The following NKAIN2 variants were observed in gnomAD, a reference collection of about 807,000 sequenced individuals.
The protein encoded by NKAIN2 is sodium/potassium transporting ATPase interacting 2.
NKAIN2 carries 14 observed loss-of-function variants against 32.6 expected under a neutral mutation model. The observed-to-expected ratio is 0.43, with a 90% CI of 0.28 to 0.67. The LOEUF is 0.67. NKAIN2 is among the 30% of genes least tolerant of loss of function. The pLI is 0.17. For synonymous variants in NKAIN2, 80 were observed against 87.2 expected (o/e 0.92, Z 0.46); for missense variants, 198 against 258.3 (o/e 0.77, Z 1.60).
At chr6:124,606,977 C>G (rs1384150446) in intron 3 of NKAIN2, among the ~76,000 whole-genome samples, 1 of 152,010 alleles carries the variant, frequency 6.6e-6, no homozygotes, top group Non-Finnish European at 1.5e-5. Context: ...GGTCATTCAT[C>G]AATGTGAGTA....
At chr6:124,288,796 T>C (rs1795675155) in intron 2 of NKAIN2, among the ~76,000 whole-genome samples, 1 of 152,102 alleles carries the variant, frequency 6.6e-6, no homozygotes, top group Non-Finnish European at 1.5e-5. Context: ...TTCTATGTAA[T>C]TGAATAAAAT....
chr6:123,913,654 G>A (rs1475072579), intron 1 of NKAIN2, among the ~76,000 whole-genome samples: 1 of 152,096 alleles, frequency 6.6e-6, no homozygotes, highest in African/African-American at 2.4e-5. Context: ...GTCTCTAAGA[G>A]GTAGCTTCTT....
Position 124,347,261 on chromosome 6 carries a change from T to C in NKAIN2, c.193-8006T>C, listed in dbSNP as rs572479467. ...AACCCGACCTTTCTCTCTGGCTGCC[T>C]TTAACATTTTTTCCTTCATTTCAAC... is the stretch of plus-strand genomic sequence containing the variant. On this transcript the variant is annotated intron_variant, in intron 2 of 6. Transcript: ENST00000368417. Among the ~76,000 whole-genome samples, 1,208 of 152,006 alleles carry C rather than the reference T, an allele frequency of 7.9e-3. 8 individuals are homozygous for C. Among genetic ancestry groups the C allele is most frequent in the Non-Finnish European group, 0.012 (845 of 67,922 alleles).
Position 124,278,650 on chromosome 6 carries a change from C to CATATATATATAT in NKAIN2, c.55-4326_55-4315dup, listed in dbSNP as rs57008229. On this transcript the variant is annotated intron_variant, in intron 1 of 6. Coordinates refer to ENST00000368417, the MANE Select transcript of NKAIN2 (RefSeq NM_001040214.3). The stretch of plus-strand genomic sequence containing the variant: ...CACACAAACACACATATACATAGCT[C>CATATATATATAT]ATATATATATATATATATATATATA... Among the ~76,000 whole-genome samples the CATATATATATAT allele has an allele frequency of 2.0e-3, 139 of 68,948 alleles. 3 individuals are homozygous for CATATATATATAT. The highest frequency in any genetic ancestry group is 5.3e-3 in the East Asian group (11 of 2,068). The allele number at this position is 68,948 out of a possible 152,430, so 45.2% of individuals were successfully genotyped here.
chr6:124,307,485 A>C (rs1347749495), intron 2 of NKAIN2, among the ~76,000 whole-genome samples: 1 of 152,154 alleles, frequency 6.6e-6, no homozygotes, highest in Non-Finnish European at 1.5e-5. Flanking sequence ...TGAAGGTTTG[A>C]TGAGCTCAGG....
At chr6:124,791,618 T>G (rs1296632652) in intron 5 of NKAIN2, among the ~76,000 whole-genome samples, 2 of 152,170 alleles carry the variant, frequency 1.3e-5, no homozygotes, top group Non-Finnish European at 2.9e-5. Flanking sequence ...TTCTTTCTTT[T>G]CATTGAAAAC....
chr6:123,920,197 C>A (rs952158699), intron 1 of NKAIN2, among the ~76,000 whole-genome samples: 4 of 152,012 alleles, frequency 2.6e-5, no homozygotes, highest in Admixed American at 2.0e-4. Flanking sequence ...TTTGTTCTTG[C>A]AAAGTGGTTT....
At chr6:124,379,221 G>GTAAGGAGGGGAGGGGAGGA (rs1800145050) in intron 3 of NKAIN2, among the ~76,000 whole-genome samples, 1 of 2,302 alleles carries the variant, frequency 4.3e-4, no homozygotes, top group Non-Finnish European at 9.3e-4. Flanking sequence ...GGGAAAGGAG[G>GTAAGGAGGGGAGGGGAGGA]GAAGAGGGGA....
chr6:124,264,996 A>C (rs909843942), intron 1 of NKAIN2, among the ~76,000 whole-genome samples: 2 of 152,200 alleles, frequency 1.3e-5, no homozygotes, highest in African/African-American at 2.4e-5. Flanking sequence ...CCATTTATGC[A>C]GACAGGTCCA....
chr6:124,429,450 T>C (rs1775118926), intron 3 of NKAIN2, among the ~76,000 whole-genome samples: 2 of 152,212 alleles, frequency 1.3e-5, no homozygotes, highest in Admixed American at 1.3e-4. Context: ...GAGAAGTCTC[T>C]CCTCTGTGTT....
At chr6:124,746,610 A>C (rs1241677917) in intron 4 of NKAIN2, among the ~76,000 whole-genome samples, 1 of 151,960 alleles carries the variant, frequency 6.6e-6, no homozygotes, top group African/African-American at 2.4e-5. Context: ...GTACTGATAT[A>C]CAGTAAAACA....
chr6:124,369,547 A>T (rs1242006374), intron 3 of NKAIN2, among the ~76,000 whole-genome samples: 1 of 152,056 alleles, frequency 6.6e-6, no homozygotes, highest in African/African-American at 2.4e-5. Flanking sequence ...TGTGTGATTT[A>T]TGTTTTCAGC....
chr6:123,872,730 T>C (rs1772958593), intron 1 of NKAIN2, among the ~76,000 whole-genome samples: 1 of 152,238 alleles, frequency 6.6e-6, no homozygotes, highest in South Asian at 2.1e-4. Flanking sequence ...AGGCACTCAT[T>C]GCTCTTAAAT....
chr6:124,596,930 T>A (rs560908799), intron 3 of NKAIN2, among the ~76,000 whole-genome samples: 2 of 152,190 alleles, frequency 1.3e-5, no homozygotes, highest in South Asian at 4.1e-4. Context: ...AATTCCAGCC[T>A]GAGTTTAAGT....
intron 3 of NKAIN2, among the ~76,000 whole-genome samples, chr6:124,409,576 T>G (rs923653330): frequency 1.3e-5 from 2 of 152,186 alleles, no homozygotes; most frequent in East Asian, 1.9e-4. Flanking sequence ...CTTTTTGATG[T>G]GTTGCTGGAT....
chr6:124,269,522 C>T (rs376794498), intron 1 of NKAIN2, among the ~76,000 whole-genome samples: 1 of 147,360 alleles, frequency 6.8e-6, no homozygotes, highest in Non-Finnish European at 1.5e-5. Context: ...GGCTGTGGTG[C>T]AATGGTGCGA....
intron 1 of NKAIN2, among the ~76,000 whole-genome samples, chr6:124,018,817 C>G (rs1415574197): frequency 2.0e-5 from 3 of 152,142 alleles, no homozygotes; most frequent in Non-Finnish European, 4.4e-5. Context: ...TGCCTGTTAC[C>G]CAGTTCCAAA....
At chr6:124,206,340 G>A (rs541694131) in intron 1 of NKAIN2, among the ~76,000 whole-genome samples, 23 of 151,858 alleles carry the variant, frequency 1.5e-4, no homozygotes, top group Non-Finnish European at 2.2e-4. Flanking sequence ...AAGATTAAGC[G>A]CATAAAACAA....
At chr6:124,476,437 G>A (rs957307912) in intron 3 of NKAIN2, among the ~76,000 whole-genome samples, 2 of 136,586 alleles carry the variant, frequency 1.5e-5, no homozygotes, top group Non-Finnish European at 3.2e-5. Context: ...GTGTGTGTGT[G>A]TGTGTGAACA....
Sources: allele counts gnomAD v4.1 joint callset (sites outside exome capture counted in the v4.1 genomes callset), GRCh38; gene constraint gnomAD v4.1.1; transcripts MANE v1.5; gene names NCBI Gene and HGNC (gene_info 2026-07-23, HGNC 2026-07-21).